The following STXBP4 variants were observed in gnomAD, a reference collection of about 807,000 sequenced individuals.
The protein encoded by STXBP4 is syntaxin-binding protein 4.
In STXBP4, 55 loss-of-function variants were observed where a neutral mutation model predicts 76.1. That is an observed-to-expected ratio of 0.72 (90% CI 0.58 to 0.91). STXBP4 has a LOEUF of 0.91. Among genes scored for constraint, STXBP4 ranks in the 40% least tolerant of loss-of-function variants. The pLI is 0.00. For missense variants in STXBP4, 618 were observed against 636.9 expected (o/e 0.97, Z 0.32); for synonymous variants, 201 against 220.2 (o/e 0.91, Z 0.77).
intron 16 of STXBP4, among the ~76,000 whole-genome samples, chr17:55,126,552 G>A (rs984632082): frequency 6.6e-6 from 1 of 152,148 alleles, no homozygotes; most frequent in Admixed American, 6.6e-5. Context: ...GGTTGCACAG[G>A]TGTAAGCATT....
rs766187476 is a variant in STXBP4 at position 55,043,262 on chromosome 17, A to C, written c.882A>C (p.Ala294=). Residue 294 remains alanine (A), a synonymous_variant, in exon 11 of 18, where the codon GCA becomes GCC. Transcript: ENST00000376352. ...TTCTTCCTTGTGATTCTTCAGAAGC[A>C]GATGAAATGGAAAGGCTCAAGTGTG... The part of the protein sequence containing the change: ...SQLLPCDSSE[A]DEMERLKCER... 1 of 1,531,010 alleles carries C rather than the reference A, an allele frequency of 6.5e-7. No individual in the cohort carries two copies. The highest frequency in any genetic ancestry group is 1.4e-5 in the South Asian group (1 of 74,036). 94.8% of individuals were successfully genotyped at this position (1,531,010 alleles called of 1,614,324 possible). A position where few individuals can be genotyped will look rare whatever the true frequency, so the allele number is the denominator to read the frequency against.
intron 16 of STXBP4, among the ~76,000 whole-genome samples, chr17:55,124,201 G>C (rs868410386): frequency 1.1e-4 from 17 of 152,140 alleles, no homozygotes; most frequent in African/African-American, 4.1e-4. Flanking sequence ...ATGAGATGGA[G>C]GTCCAAATGA....
At chr17:55,105,506 C>A (rs565957883) in intron 16 of STXBP4, among the ~76,000 whole-genome samples, 35 of 141,562 alleles carry the variant, frequency 2.5e-4, no homozygotes, top group Non-Finnish European at 4.4e-4. Flanking sequence ...CTCACTCTGT[C>A]GCCCAGGCTG....
At chr17:55,179,147 C>A in the STXBP4 span, among the ~76,000 whole-genome samples, 4 of 152,114 alleles carry the variant, frequency 2.6e-5, no homozygotes, top group Admixed American at 1.3e-4. Flanking sequence ...GAAATCAAAG[C>A]TACATATAAT....
At chr17:55,068,833 C>T (rs2079085146) in intron 12 of STXBP4, among the ~76,000 whole-genome samples, 1 of 151,958 alleles carries the variant, frequency 6.6e-6, no homozygotes, top group South Asian at 2.1e-4. Context: ...GTGTAAAATT[C>T]TGATCTGAGA....
At chr17:54,979,765 A>C (rs2077523273) in intron 1 of STXBP4, among the ~76,000 whole-genome samples, 1 of 152,188 alleles carries the variant, frequency 6.6e-6, no homozygotes, top group African/African-American at 2.4e-5. Context: ...TAAAGCAACA[A>C]ATCTTGCCTT....
At chr17:55,175,137 G>T (rs542514598), downstream of STXBP4, among the ~76,000 whole-genome samples, 1 of 152,318 alleles carries the variant, frequency 6.6e-6, no homozygotes, top group Non-Finnish European at 1.5e-5. Flanking sequence ...CATTAGGGGA[G>T]TCAAATGACA....
the STXBP4 span, among the ~76,000 whole-genome samples, chr17:55,205,734 A>T: frequency 6.6e-6 from 1 of 152,132 alleles, no homozygotes; most frequent in Non-Finnish European, 1.5e-5. Context: ...ATTTATATAT[A>T]TTTTTGGCAA....
intron 11 of STXBP4, among the ~76,000 whole-genome samples, chr17:55,045,666 A>G (rs1205472857): frequency 6.6e-6 from 1 of 152,132 alleles, no homozygotes; most frequent in African/African-American, 2.4e-5. Context: ...ATATACCCTG[A>G]TATGACAAAA....
At chr17:55,090,017 C>G (rs2079389919) in intron 16 of STXBP4, among the ~76,000 whole-genome samples, 1 of 152,132 alleles carries the variant, frequency 6.6e-6, no homozygotes, top group Admixed American at 6.5e-5. Context: ...AAGGGCCAAC[C>G]TGTTACTCCC....
At chr17:54,971,499 C>G (rs888096531) in intron 1 of STXBP4, among the ~76,000 whole-genome samples, 13 of 152,206 alleles carry the variant, frequency 8.5e-5, no homozygotes, top group African/African-American at 2.9e-4. Flanking sequence ...CCCATGAGAT[C>G]AGGTTCCCAC....
intron 8 of STXBP4, among the ~76,000 whole-genome samples, chr17:55,013,541 G>T (rs1470715900): frequency 6.6e-6 from 1 of 152,246 alleles, no homozygotes; most frequent in Non-Finnish European, 1.5e-5. Context: ...ATTCCTCACT[G>T]AGGGCCTTGG....
In STXBP4 at chr17:55,079,848, C is replaced by G. The variant is rs946041197; in HGVS notation, c.1355+1113C>G. The stretch of plus-strand genomic sequence containing the variant: ...AATAAGTGAAGATATTTTTGGTGTC[C>G]ACATAGCATTTTTTAATTTAGAAGA... On this transcript the variant is annotated intron_variant, in intron 15 of 17. Transcript: ENST00000376352. Among the ~76,000 whole-genome samples the G allele has an allele frequency of 2.6e-5, 4 of 152,140 alleles. No homozygotes were observed. In the South Asian group the frequency reaches 6.2e-4, roughly 24 times the overall value.
At chr17:55,153,500 G>A (rs1375510846) in intron 17 of STXBP4, among the ~76,000 whole-genome samples, 25 of 152,088 alleles carry the variant, frequency 1.6e-4, no homozygotes, top group Admixed American at 1.6e-3. Flanking sequence ...TTTAAAATTT[G>A]TAGTGTAGTC....
At chr17:55,088,724 A>G (rs1200835283) in intron 16 of STXBP4, among the ~76,000 whole-genome samples, 1 of 152,136 alleles carries the variant, frequency 6.6e-6, no homozygotes, top group African/African-American at 2.4e-5. Flanking sequence ...GCTTTCCTGG[A>G]TTGTGGACTC....
intron 12 of STXBP4, among the ~76,000 whole-genome samples, chr17:55,048,415 T>G (rs534874474): frequency 6.6e-6 from 1 of 151,948 alleles, no homozygotes; most frequent in South Asian, 2.1e-4. Flanking sequence ...ATCTCCATCA[T>G]TATAAAACGA....
At chr17:54,987,404 A>G (rs779934402) in intron 3 of STXBP4, among the ~76,000 whole-genome samples, 53 of 152,188 alleles carry the variant, frequency 3.5e-4, no homozygotes, top group Non-Finnish European at 6.9e-4. Flanking sequence ...ACTCCCCAGA[A>G]TATTCTTAAG....
chr17:55,015,408 G>A (rs2078188495), intron 8 of STXBP4, among the ~76,000 whole-genome samples: 1 of 152,194 alleles, frequency 6.6e-6, no homozygotes, highest in South Asian at 2.1e-4. Context: ...ACCAGAGATT[G>A]CCAAACTCTT....
chr17:55,035,394 T>G (rs1297113309), intron 10 of STXBP4, among the ~76,000 whole-genome samples: 1 of 151,922 alleles, frequency 6.6e-6, no homozygotes, highest in African/African-American at 2.4e-5. Context: ...TCATGCATTA[T>G]CCTTTTATGC....
Sources: gnomAD v4.1 joint callset for allele counts (sites outside exome capture counted in the v4.1 genomes callset) on GRCh38, gnomAD v4.1.1 for gene constraint, MANE v1.5 for transcripts, NCBI Gene and HGNC (gene_info 2026-07-23, HGNC 2026-07-21) for gene names.